PPARG: variants seen among roughly 807,000 people sequenced by gnomAD.
PPARG encodes peroxisome proliferator-activated receptor gamma.
PPARG carries 17 observed loss-of-function variants against 39.2 expected under a neutral mutation model. The ratio of observed to expected loss-of-function variants is 0.43; its 90% CI spans 0.30 to 0.65. The LOEUF is 0.65. Among genes scored for constraint, PPARG ranks in the 30% least tolerant of loss-of-function variants. The probability of loss-of-function intolerance (pLI) is 0.13; values close to 1 mark genes in which losing one functional copy is unlikely to be tolerated. For synonymous variants in PPARG, 223 were observed against 215.7 expected (o/e 1.03, Z -0.30); for missense variants, 406 against 585.9 (o/e 0.69, Z 3.17).
chr3:12,341,177 C>T (rs1030039909), intron 2 of PPARG, among the ~76,000 whole-genome samples: 23 of 78,974 alleles, frequency 2.9e-4, no homozygotes, highest in East Asian at 7.6e-4. Context: ...AGCGAGACTC[C>T]GTCTCAAAAA....
At chr3:12,418,150 G>C (rs1293911701) in intron 7 of PPARG, among the ~76,000 whole-genome samples, 1 of 151,804 alleles carries the variant, frequency 6.6e-6, no homozygotes, top group East Asian at 1.9e-4. Context: ...AAATTTTTTT[G>C]TAGAGATGAG....
At chr3:12,380,858 A>G (rs1307970328) in intron 3 of PPARG, among the ~76,000 whole-genome samples, 1 of 152,188 alleles carries the variant, frequency 6.6e-6, no homozygotes, top group Non-Finnish European at 1.5e-5. Context: ...ACCTCAAGCT[A>G]GGCATACCAT....
chr3:12,368,791 G>A (rs73025249), intron 2 of PPARG, among the ~76,000 whole-genome samples: 375 of 152,290 alleles, frequency 2.5e-3, no homozygotes, highest in Admixed American at 7.3e-3. Context: ...AAAGAAGTGA[G>A]TTGGTAGAAT....
intron 2 of PPARG, among the ~76,000 whole-genome samples, chr3:12,315,762 C>T (rs2125006761): frequency 6.6e-6 from 1 of 152,252 alleles, no homozygotes; most frequent in Non-Finnish European, 1.5e-5. Context: ...CTCTAGAAAC[C>T]TGTGAGTGGG....
chr3:12,343,845 C>T (rs1559500754), intron 2 of PPARG, among the ~76,000 whole-genome samples: 1 of 142,548 alleles, frequency 7.0e-6, no homozygotes, highest in African/African-American at 2.8e-5. Flanking sequence ...ATGGGGCTAC[C>T]ATTCAATCTC....
chr3:12,422,881 CAAA>C (rs11287877), intron 7 of PPARG, among the ~76,000 whole-genome samples: 1 of 140,956 alleles, frequency 7.1e-6, no homozygotes, highest in African/African-American at 2.6e-5. Flanking sequence ...GATCCTGTCT[CAAA>C]AAAAAAAAAG....
At chr3:12,400,713 A>G (rs2050442305) in intron 5 of PPARG, among the ~76,000 whole-genome samples, 1 of 152,220 alleles carries the variant, frequency 6.6e-6, no homozygotes, top group Non-Finnish European at 1.5e-5. Flanking sequence ...AACTAGACAA[A>G]TACTGCTTTT....
chr3:12,335,855 A>G (rs1215363300), intron 2 of PPARG, among the ~76,000 whole-genome samples: 1 of 152,140 alleles, frequency 6.6e-6, no homozygotes, highest in African/African-American at 2.4e-5. Context: ...AAAAACAAGA[A>G]TGGCAGCACT....
At chr3:12,373,741 G>A (rs1317690046) in intron 2 of PPARG, among the ~76,000 whole-genome samples, 1 of 152,188 alleles carries the variant, frequency 6.6e-6, no homozygotes, top group Non-Finnish European at 1.5e-5. Context: ...CAGACTGGAA[G>A]TCTAATGGTG....
intron 2 of PPARG, among the ~76,000 whole-genome samples, chr3:12,329,766 G>A (rs1406961398): frequency 6.6e-6 from 1 of 152,062 alleles, no homozygotes; most frequent in Non-Finnish European, 1.5e-5. Context: ...CACCCAAACA[G>A]CTCTATACCC....
chr3:12,351,639 C>T (rs560683642), intron 2 of PPARG: 1 of 1,611,778 alleles, frequency 6.2e-7, no homozygotes, highest in South Asian at 1.1e-5. Flanking sequence ...GAAAGCGATT[C>T]CTTCACTGAT....
intron 7 of PPARG, among the ~76,000 whole-genome samples, chr3:12,419,037 C>T (rs1046667563): frequency 6.6e-6 from 1 of 152,116 alleles, no homozygotes; most frequent in Non-Finnish European, 1.5e-5. Context: ...CTCCACCTCC[C>T]GGGTTCAAGG....
chr3:12,354,459 G>A (rs7615916), intron 2 of PPARG, among the ~76,000 whole-genome samples: 56,692 of 141,368 alleles, frequency 0.4, 12,627 homozygotes, highest in African/African-American at 0.65. Context: ...TTTAAAAAAA[G>A]AAAAGGCTGG....
chr3:12,429,611 C>T (rs949756115), intron 7 of PPARG, among the ~76,000 whole-genome samples: 5 of 151,458 alleles, frequency 3.3e-5, no homozygotes, highest in African/African-American at 9.7e-5. Context: ...AGAAAGGCTC[C>T]GGGAGCCAGT....
chr3:12,322,941 A>G (rs919946429), intron 2 of PPARG, among the ~76,000 whole-genome samples: 12 of 151,986 alleles, frequency 7.9e-5, no homozygotes, highest in Admixed American at 3.3e-4. Flanking sequence ...AGCTGGGACT[A>G]TAGGCATACA....
At chr3:12,322,754 C>T (rs1309476216) in intron 2 of PPARG, among the ~76,000 whole-genome samples, 1 of 152,070 alleles carries the variant, frequency 6.6e-6, no homozygotes, top group African/African-American at 2.4e-5. Flanking sequence ...ATGACAAAAG[C>T]TGTGTTTGGA....
At chr3:12,327,537 T>G (rs924311634) in intron 2 of PPARG, among the ~76,000 whole-genome samples, 1 of 152,082 alleles carries the variant, frequency 6.6e-6, no homozygotes, top group Non-Finnish European at 1.5e-5. Flanking sequence ...TTGAAGAGAA[T>G]GAGAAGCCCA....
rs569717275 is a variant in PPARG at position 12,368,343 on chromosome 3, G to A, written c.-8-11361G>A. Among the ~76,000 whole-genome samples, 6 of 151,556 alleles carry A rather than the reference G, an allele frequency of 4.0e-5. No individual in the cohort carries two copies. The East Asian group carries it at 5.8e-4, about 15-fold the overall frequency. On this transcript the variant is annotated intron_variant, in intron 2 of 7. Transcript: ENST00000651735. ...ACTACAGGCCTGCGCCACCACGCCC[G>A]GCTAATTTTTGTATTTTTGGTAGAG... is the stretch of plus-strand genomic sequence containing the variant.
chr3:12,347,097 T>G (rs1259667867), intron 2 of PPARG, among the ~76,000 whole-genome samples: 3 of 151,594 alleles, frequency 2.0e-5, no homozygotes, highest in Non-Finnish European at 4.4e-5. Flanking sequence ...GCAGGAGAAT[T>G]TCTTGAATCT....
Sources: gnomAD v4.1 joint callset for allele counts (sites outside exome capture counted in the v4.1 genomes callset) on GRCh38, gnomAD v4.1.1 for gene constraint, MANE v1.5 for transcripts, NCBI Gene and HGNC (gene_info 2026-07-23, HGNC 2026-07-21) for gene names.